Variants in CCT5 observed in about 807,000 individuals in gnomAD.
CCT5 encodes the protein T-complex protein 1 subunit epsilon.
In CCT5, 6 loss-of-function variants were observed where a neutral mutation model predicts 55.0. The observed-to-expected ratio is 0.11, with a 90% CI of 0.06 to 0.22. The LOEUF is 0.22. Ranked by LOEUF, CCT5 falls within the 10% of genes least tolerant of loss-of-function variation. The pLI is 1.00. For synonymous variants in CCT5, 231 were observed against 243.7 expected (o/e 0.95, Z 0.49); for missense variants, 560 against 694.6 (o/e 0.81, Z 2.18).
rs1746221401 is a variant in CCT5 at position 10,266,151 on chromosome 5, G to A, written c.*1368G>A. ...AGCTTTAAACTGAGTTTATTTACAAGGACTGAGTCTAGCCTACAGAGAACA... is the reference window on the plus strand; with the variant it reads ...AGCTTTAAACTGAGTTTATTTACAAAGACTGAGTCTAGCCTACAGAGAACA... On this transcript the variant is annotated 3_prime_UTR_variant, in exon 11 of 11. Coordinates refer to ENST00000280326, the MANE Select transcript of CCT5 (RefSeq NM_012073.5). 6.6e-6 allele frequency: 1 copy of A among 152,190 alleles called. No individual in the cohort carries two copies. The highest frequency in any genetic ancestry group is 1.5e-5 in the Non-Finnish European group (1 of 68,038). The allele number at this position is 152,190 out of a possible 1,614,324, so 9.4% of individuals were successfully genotyped here.
intron 9 of CCT5, 99 bp from the exon 10 acceptor site, chr5:10,263,035 G>A (rs1746042746): frequency 1.0e-6 from 1 of 973,636 alleles, no homozygotes; most frequent in Non-Finnish European, 1.6e-6. Context: ...TTCTTTGTGA[G>A]CTGACTTTTC....
intron 2 of CCT5, 78 bp downstream of exon 2, chr5:10,254,283 G>A (rs1745567198): frequency 9.3e-7 from 1 of 1,070,202 alleles, no homozygotes; most frequent in Non-Finnish European, 1.4e-6. Context: ...TCTACAGAAA[G>A]GTGGAGTATT....
rs763021273 is a variant in CCT5, at chr5:10,256,065, C to G, written c.442C>G (p.Leu148Val). Residue 148 changes from leucine (L) to valine (V), a missense_variant, in exon 4 of 11, where the codon CTG (leucine) becomes GTG (valine). Coordinates refer to ENST00000280326, the MANE Select transcript of CCT5 (RefSeq NM_012073.5). ...EQAARVAIEH[L>V]DKISDSVLVD... ...GGCTGCTCGTGTTGCTATTGAACAC[C>G]TGGACAAGATCAGCGATAGCGTCCT... The G allele has an allele frequency of 1.2e-6, 2 of 1,614,120 alleles. No homozygotes were observed. The highest frequency in any genetic ancestry group is 1.7e-6 in the Non-Finnish European group (2 of 1,179,976).
In CCT5 at chr5:10,256,127, A is replaced by T. The variant is rs141821121; in HGVS notation, c.504A>T (p.Thr168=). Residue 168 remains threonine, a synonymous_variant, in exon 4 of 11, where the codon ACA becomes ACT. Coordinates refer to ENST00000280326, the MANE Select transcript of CCT5 (RefSeq NM_012073.5). ...AGGACACCGAACCCCTGATTCAGAC[A>T]GCAAAAACCACGCTGGGCTCCAAAG... ...DIKDTEPLIQ[T]AKTTLGSKVV... is the part of the protein sequence containing the mutation. 17 of 1,613,640 alleles carry T rather than the reference A, an allele frequency of 1.1e-5. No individual in the cohort carries two copies. Among genetic ancestry groups the T allele is most frequent in the Non-Finnish European group, 1.4e-5 (17 of 1,179,840 alleles).
At chr5:10,258,010 ATCG>A (rs1745767930) in intron 4 of CCT5, 98 bp from the exon 5 acceptor site, 2 of 1,250,392 alleles carry the variant, frequency 1.6e-6, no homozygotes, top group African/African-American at 1.5e-5. Context: ...GACTCAAAAC[ATCG>A]TTTGATTTAT....
chr5:10,253,444 G>GT (rs1308674406), intron 1 of CCT5, among the ~76,000 whole-genome samples: 1 of 152,122 alleles, frequency 6.6e-6, no homozygotes, highest in Non-Finnish European at 1.5e-5. Context: ...TTGTAATGGG[G>GT]TCTCGCCATG....
chr5:10,257,008 T>C (rs886366280), intron 4 of CCT5, among the ~76,000 whole-genome samples: 1 of 152,188 alleles, frequency 6.6e-6, no homozygotes. Flanking sequence ...GCCAAAGACT[T>C]AAGGTCTGTT....
At chr5:10,250,959 C>A in intron 1 of CCT5, 1 of 776,108 alleles carries the variant, frequency 1.3e-6, no homozygotes, top group Non-Finnish European at 1.6e-6. Context: ...GGAAAAATAG[C>A]GAAGAGTGAA....
intron 4 of CCT5, among the ~76,000 whole-genome samples, chr5:10,256,879 C>G (rs1186148548): frequency 6.6e-6 from 1 of 152,078 alleles, no homozygotes; most frequent in Non-Finnish European, 1.5e-5. Flanking sequence ...GTGTTTTCAG[C>G]GTTCGTGTAA....
chr5:10,254,558 A>G, intron 2 of CCT5, 116 bp from the exon 3 acceptor site: 1 of 899,128 alleles, frequency 1.1e-6, no homozygotes, highest in African/African-American at 1.6e-5. Context: ...TGTATGTTGC[A>G]TTATTTGTAT....
chr5:10,250,785 G>T, intron 1 of CCT5: 2 of 1,185,894 alleles, frequency 1.7e-6, no homozygotes, highest in South Asian at 2.2e-5. Context: ...GCGCTCCAGT[G>T]GGAGGGCGCC....
At chr5:10,255,176 G>A in intron 3 of CCT5, 10 of 364,764 alleles carry the variant, frequency 2.7e-5, no homozygotes, top group South Asian at 2.3e-4. Context: ...AGTGATCTGT[G>A]ACCATTATAT....
intron 9 of CCT5, among the ~76,000 whole-genome samples, chr5:10,262,893 T>C (rs1746034905): frequency 6.6e-6 from 1 of 152,264 alleles, no homozygotes; most frequent in Non-Finnish European, 1.5e-5. Context: ...ATATTATAAC[T>C]TAAAAATAAA....
At chr5:10,254,260 C>A in intron 2 of CCT5, 55 bp downstream of exon 2, 1 of 1,194,214 alleles carries the variant, frequency 8.4e-7, no homozygotes, top group South Asian at 1.2e-5. Flanking sequence ...ATAAAACTGT[C>A]AATATAAACC....
In CCT5 at chr5:10,261,322, G is replaced by C. The variant is rs2607319; in HGVS notation, c.994-238G>C. On this transcript the variant is annotated intron_variant, in intron 7 of 10. Coordinates refer to ENST00000280326, the MANE Select transcript of CCT5 (RefSeq NM_012073.5). The stretch of plus-strand genomic sequence containing the variant: ...GGGAGATGAGGGTATGAGCTTAGGG[G>C]ACGGGCGCCGGGTGATAGATCTGGG... The C allele has an allele frequency of 0.29, 162,431 of 554,588 alleles. 30,042 individuals are homozygous for C. Among genetic ancestry groups the C allele is most frequent in the East Asian group, 0.83 (25,539 of 30,676 alleles). The allele number at this position is 554,588 out of a possible 1,614,324, so 34.4% of individuals were successfully genotyped here.
At chr5:10,250,257 G>C, upstream of CCT5, 6 of 1,599,812 alleles carry the variant, frequency 3.8e-6, no homozygotes, top group Non-Finnish European at 5.1e-6. Context: ...GCAAGCTTTT[G>C]GGCCCTCCCG....
intron 1 of CCT5, among the ~76,000 whole-genome samples, chr5:10,253,349 G>A: frequency 6.7e-6 from 1 of 150,242 alleles, no homozygotes. Context: ...AGGCCAGTCA[G>A]TAACTTTGAT....
intron 1 of CCT5, among the ~76,000 whole-genome samples, chr5:10,253,463 G>A (rs1211645141): frequency 6.6e-6 from 1 of 152,150 alleles, no homozygotes; most frequent in Non-Finnish European, 1.5e-5. Context: ...TGTTTCCCAG[G>A]CTGATCTCAA....
At chr5:10,251,955 A>G (rs982748730) in intron 1 of CCT5, among the ~76,000 whole-genome samples, 2 of 152,226 alleles carry the variant, frequency 1.3e-5, no homozygotes, top group African/African-American at 4.8e-5. Flanking sequence ...GGGTTATTTT[A>G]CAAAACTGGG....
Sources: allele counts gnomAD v4.1 joint callset (sites outside exome capture counted in the v4.1 genomes callset), GRCh38; gene constraint gnomAD v4.1.1; transcripts MANE v1.5; gene names NCBI Gene and HGNC (gene_info 2026-07-23, HGNC 2026-07-21).